Variants in ASXL2 observed in about 807,000 individuals in gnomAD.
ASXL2 encodes ASXL transcriptional regulator 2.
Under a neutral mutation model 122.0 loss-of-function variants are expected in ASXL2, and 23 were observed. The observed-to-expected ratio is 0.19, with a 90% CI of 0.14 to 0.27. The LOEUF (loss-of-function observed/expected upper bound fraction) is 0.27. Among genes scored for constraint, ASXL2 ranks in the 10% least tolerant of loss-of-function variants. The probability of loss-of-function intolerance (pLI) is 1.00; values close to 1 mark genes in which losing one functional copy is unlikely to be tolerated. For missense variants in ASXL2, 1,518 were observed against 1,713.8 expected, an observed-to-expected ratio of 0.89 and a Z score of 2.02; for synonymous variants, 650 against 637.0, an observed-to-expected ratio of 1.02 and a Z score of -0.31.
chr2:25,828,762 T>C (rs2089410121), intron 3 of ASXL2, among the ~76,000 whole-genome samples: 1 of 141,794 alleles, frequency 7.1e-6, no homozygotes, highest in African/African-American at 2.7e-5. Context: ...GAGGTAGAAG[T>C]TGCAGTGAGC....
intron 3 of ASXL2, among the ~76,000 whole-genome samples, chr2:25,821,281 CAGG>C (rs1375193079): frequency 6.6e-6 from 1 of 151,864 alleles, no homozygotes; most frequent in African/African-American, 2.4e-5. Context: ...CCCTTGTGCC[CAGG>C]AGTTCAAGGC....
chr2:25,787,519 G>A (rs2088767364), intron 5 of ASXL2, among the ~76,000 whole-genome samples: 1 of 152,146 alleles, frequency 6.6e-6, no homozygotes, highest in Non-Finnish European at 1.5e-5. Flanking sequence ...AAATCCATGA[G>A]AGGCTAATCG....
At chr2:25,833,370 C>A (rs940902334) in intron 3 of ASXL2, among the ~76,000 whole-genome samples, 1 of 152,108 alleles carries the variant, frequency 6.6e-6, no homozygotes, top group Non-Finnish European at 1.5e-5. Flanking sequence ...TTATTCCTGG[C>A]CAATATCCAT....
intron 3 of ASXL2, among the ~76,000 whole-genome samples, chr2:25,823,352 G>A (rs1282753497): frequency 5.9e-5 from 9 of 152,134 alleles, no homozygotes; most frequent in African/African-American, 2.4e-5. Context: ...TATAGAACAT[G>A]GATTCAAAAA....
Position 25,869,162 on chromosome 2 carries a change from T to C in ASXL2, c.57+9004A>G, listed in dbSNP as rs188420475. On this transcript the variant is annotated intron_variant, in intron 1 of 12. Coordinates refer to ENST00000435504, the MANE Select transcript of ASXL2 (RefSeq NM_018263.6). ...CCTGGGGGACAAGAACGAGACCTCATCTCAAAAAAAAAAAAAAATTAGCCA... is the reference window on the plus strand; with the variant it reads ...CCTGGGGGACAAGAACGAGACCTCACCTCAAAAAAAAAAAAAAATTAGCCA... Among the ~76,000 whole-genome samples the C allele has an allele frequency of 5.3e-3, 793 of 148,334 alleles. 6 individuals carry two copies. The highest frequency in any genetic ancestry group is 8.3e-3 in the Non-Finnish European group (557 of 67,162).
chr2:25,743,366 C>T lies in ASXL2; in HGVS notation c.2971G>A (p.Gly991Arg), dbSNP rs1355243165. Residue 991 changes from glycine to arginine, a missense_variant, in exon 13 of 13, where the codon GGA becomes AGA. Coordinates refer to ENST00000435504, the MANE Select transcript of ASXL2 (RefSeq NM_018263.6). Reference protein sequence around the residue: ...PLTAKEERGMGALIATNTTEN... With the variant: ...PLTAKEERGMRALIATNTTEN... ...GTTGTGTTGGTAGCTATGAGCGCTCCCATCCCCCTTTCCTCTTTTGCAGTC... is the reference window on the plus strand; with the variant it reads ...GTTGTGTTGGTAGCTATGAGCGCTCTCATCCCCCTTTCCTCTTTTGCAGTC... 6.2e-7 allele frequency: 1 copy of T among 1,613,788 alleles called. No individual in the cohort carries two copies. Among genetic ancestry groups the T allele is most frequent in the Admixed American group, 1.7e-5 (1 of 59,990 alleles).
chr2:25,807,387 C>T (rs1298663628), intron 3 of ASXL2, among the ~76,000 whole-genome samples: 1 of 151,938 alleles, frequency 6.6e-6, no homozygotes, highest in Admixed American at 6.6e-5. Flanking sequence ...TGTCCAGGGT[C>T]GAAAATACAG....
At chr2:25,857,087 G>GGGT (rs1260716884) in intron 1 of ASXL2, 7 of 84,238 alleles carry the variant, frequency 8.3e-5, no homozygotes, top group African/African-American at 3.0e-4. Flanking sequence ...TTTTTGGGGG[G>GGGT]GGCGGGGGGG....
chr2:25,790,297 G>T (rs940912594), intron 5 of ASXL2, among the ~76,000 whole-genome samples: 1 of 131,914 alleles, frequency 7.6e-6, no homozygotes, highest in African/African-American at 2.8e-5. Flanking sequence ...TGAGGTGGTG[G>T]TGATATGAGT....
chr2:25,763,894 T>G (rs980628963), intron 8 of ASXL2, among the ~76,000 whole-genome samples: 2 of 152,172 alleles, frequency 1.3e-5, no homozygotes, highest in Non-Finnish European at 2.9e-5. Context: ...CACACAGGCA[T>G]AAGCATCACA....
At chr2:25,747,284 G>C (rs1174214737) in intron 12 of ASXL2, among the ~76,000 whole-genome samples, 1 of 151,864 alleles carries the variant, frequency 6.6e-6, no homozygotes, top group Non-Finnish European at 1.5e-5. Context: ...ATATATAAAA[G>C]TTGTAACTAA....
At chr2:25,798,273 C>T (rs1315818840) in intron 5 of ASXL2, among the ~76,000 whole-genome samples, 1 of 152,076 alleles carries the variant, frequency 6.6e-6, no homozygotes, top group Admixed American at 6.6e-5. Context: ...ACACCCATGG[C>T]ACAAGTTTAC....
intron 3 of ASXL2, among the ~76,000 whole-genome samples, chr2:25,829,553 T>A (rs1387118930): frequency 6.6e-6 from 1 of 152,178 alleles, no homozygotes; most frequent in Admixed American, 6.5e-5. Context: ...ACACTACTTA[T>A]TACAATTATT....
chr2:25,824,632 G>A (rs2089354235), intron 3 of ASXL2, among the ~76,000 whole-genome samples: 1 of 152,170 alleles, frequency 6.6e-6, no homozygotes, highest in Non-Finnish European at 1.5e-5. Flanking sequence ...TTTAGAGCTT[G>A]TTTTCTAATT....
At chr2:25,798,553 C>G (rs998991447) in intron 5 of ASXL2, among the ~76,000 whole-genome samples, 1 of 152,150 alleles carries the variant, frequency 6.6e-6, no homozygotes, top group African/African-American at 2.4e-5. Context: ...CACCTGAGGT[C>G]AGGGGTTCGA....
intron 4 of ASXL2, 91 bp from the exon 5 acceptor site, chr2:25,799,626 G>T: frequency 6.9e-7 from 1 of 1,451,754 alleles, no homozygotes; most frequent in Non-Finnish European, 9.2e-7. Context: ...CAACTTAATT[G>T]CACTAATTTT....
At chr2:25,874,356 G>A (rs752784278) in intron 1 of ASXL2, among the ~76,000 whole-genome samples, 6 of 152,152 alleles carry the variant, frequency 3.9e-5, no homozygotes, top group Non-Finnish European at 8.8e-5. Context: ...AGGTATGGCA[G>A]CGCATGCCTG....
intron 1 of ASXL2, among the ~76,000 whole-genome samples, chr2:25,846,132 G>C (rs2089645550): frequency 6.6e-6 from 1 of 152,244 alleles, no homozygotes; most frequent in African/African-American, 2.4e-5. Flanking sequence ...TGCAGACTAA[G>C]TGCAGGCAGA....
chr2:25,839,719 C>T lies in ASXL2; in HGVS notation c.141-4179G>A, dbSNP rs886935719. On this transcript the variant is annotated intron_variant, in intron 2 of 12. Transcript: ENST00000435504. The stretch of plus-strand genomic sequence containing the variant: ...CTCATTGCAGCCTTGACCTCCTGGG[C>T]TCAAGTGATCCTCCTGCCTCAGCCT... 5.4e-5 allele frequency among the ~76,000 whole-genome samples: 8 copies of T among 148,330 alleles called. No homozygotes were observed. In the Admixed American group the frequency reaches 5.5e-4, roughly 10 times the overall value.
Sources: allele counts gnomAD v4.1 joint callset (sites outside exome capture counted in the v4.1 genomes callset), GRCh38; gene constraint gnomAD v4.1.1; transcripts MANE v1.5; gene names NCBI Gene and HGNC (gene_info 2026-07-23, HGNC 2026-07-21).